AAMDC: variants seen among roughly 807,000 people sequenced by gnomAD.
AAMDC encodes adipogenesis associated Mth938 domain containing.
AAMDC carries 16 observed loss-of-function variants against 15.5 expected under a neutral mutation model. The ratio of observed to expected loss-of-function variants is 1.03; its 90% confidence interval spans 0.70 to 1.57. The LOEUF (loss-of-function observed/expected upper bound fraction) is 1.57. Among genes scored for constraint, AAMDC ranks in the 40% most tolerant of loss-of-function variants. The pLI is 0.00. For missense variants in AAMDC, 141 were observed against 144.9 expected (o/e 0.97, Z 0.14); for synonymous variants, 51 against 51.6 (o/e 0.99, Z 0.05).
chr11:77,881,150 A>C (rs611906), intron 5 of AAMDC, among the ~76,000 whole-genome samples: 1 of 151,998 alleles, frequency 6.6e-6, no homozygotes, highest in African/African-American at 2.4e-5. Flanking sequence ...GGATAACTCA[A>C]GCAACTTCTG....
At chr11:77,827,835 T>G (rs1282837427) in intron 1 of AAMDC, among the ~76,000 whole-genome samples, 1 of 152,170 alleles carries the variant, frequency 6.6e-6, no homozygotes, top group Non-Finnish European at 1.5e-5. Flanking sequence ...ACAAGCTCTA[T>G]CTTAAATTAC....
chr11:77,880,338 G>T (rs1590992085), intron 5 of AAMDC, among the ~76,000 whole-genome samples: 1 of 152,140 alleles, frequency 6.6e-6, no homozygotes, highest in Admixed American at 6.6e-5. Flanking sequence ...CTGTCCTCCA[G>T]GAAGGGAAAG....
chr11:77,904,359 A>G (rs933450509), downstream of AAMDC, among the ~76,000 whole-genome samples: 1 of 152,262 alleles, frequency 6.6e-6, no homozygotes, highest in African/African-American at 2.4e-5. Context: ...TTTAAATTAC[A>G]AAGATGTAAG....
chr11:77,901,425 G>T, downstream of AAMDC: 1 of 1,613,870 alleles, frequency 6.2e-7, no homozygotes, highest in South Asian at 1.1e-5. Flanking sequence ...TCTTACCCTC[G>T]TGTAGTTCGT....
In AAMDC at chr11:77,884,136, T is replaced by G. The variant is rs76281352; in HGVS notation, c.328+7087T>G. ...ATTCCCCTAATCCAGCATGAAGCAGTGTTCAGTAAACATTTCCTGAATTCA... is the reference window on the plus strand; with the variant it reads ...ATTCCCCTAATCCAGCATGAAGCAGGGTTCAGTAAACATTTCCTGAATTCA... On this transcript the variant is annotated intron_variant, in intron 5 of 5. Transcript: ENST00000304716. 1.8e-3 allele frequency among the ~76,000 whole-genome samples: 267 copies of G among 152,278 alleles called. 3 individuals are homozygous for G. In the East Asian group the frequency reaches 0.03, roughly 17 times the overall value.
At chr11:77,862,720 A>ATGGCACTTCACTCTTCC (rs2136259654) in intron 2 of AAMDC, among the ~76,000 whole-genome samples, 1 of 152,252 alleles carries the variant, frequency 6.6e-6, no homozygotes, top group African/African-American at 2.4e-5. Context: ...GTTTGTACAT[A>ATGGCACTTCACTCTTCC]TGGCACTTCA....
At chr11:77,889,764 T>C (rs1177223215) in intron 5 of AAMDC, among the ~76,000 whole-genome samples, 1 of 152,166 alleles carries the variant, frequency 6.6e-6, no homozygotes, top group South Asian at 2.1e-4. Context: ...CCACTGGACC[T>C]GTCCCACGAT....
intron 2 of AAMDC, among the ~76,000 whole-genome samples, chr11:77,863,508 C>T (rs1205420867): frequency 1.3e-5 from 2 of 152,208 alleles, no homozygotes; most frequent in African/African-American, 2.4e-5. Context: ...TGTGCCTCAG[C>T]CTCCTGAGTA....
chr11:77,893,115 A>G (rs1183271682), intron 5 of AAMDC, among the ~76,000 whole-genome samples: 1 of 152,190 alleles, frequency 6.6e-6, no homozygotes, highest in Non-Finnish European at 1.5e-5. Flanking sequence ...TTCTCCCAGT[A>G]TTATTCTGCC....
chr11:77,897,301 C>T (rs1952567002), intron 5 of AAMDC, among the ~76,000 whole-genome samples: 2 of 150,938 alleles, frequency 1.3e-5, no homozygotes, highest in South Asian at 4.2e-4. Context: ...CAAGACTGGC[C>T]TGGACAACGC....
At chr11:77,869,968 T>C (rs952061917) in intron 3 of AAMDC, 151 bp downstream of exon 3, 8 of 635,418 alleles carry the variant, frequency 1.3e-5, no homozygotes, top group Non-Finnish European at 1.9e-5. Context: ...CACATTCCTC[T>C]GCCTCATCAG....
At position 77,845,470 on chromosome 11, in the gene AAMDC, A is replaced by G. The variant is rs576609264; in HGVS notation, c.132+2842A>G. On this transcript the variant is annotated intron_variant, in intron 2 of 3. Transcript: ENST00000393427. The stretch of plus-strand genomic sequence containing the variant: ...GGGGGGGATAGACTATTGCTCTGTC[A>G]CCACAGCTGGAGTGCCGTGGCACAA... Among the ~76,000 whole-genome samples the G allele has an allele frequency of 1.5e-4, 22 of 151,586 alleles. No homozygotes were observed. In the East Asian group the frequency reaches 3.7e-3, roughly 25 times the overall value.
chr11:77,839,303 CTTTT>C (rs914922269), intron 1 of AAMDC, among the ~76,000 whole-genome samples: 2 of 151,912 alleles, frequency 1.3e-5, no homozygotes, highest in South Asian at 4.2e-4. Context: ...ACACACTTGG[CTTTT>C]TTTTGTTTGT....
intron 1 of AAMDC, among the ~76,000 whole-genome samples, chr11:77,835,583 T>C (rs893783621): frequency 1.3e-5 from 2 of 152,182 alleles, no homozygotes; most frequent in Non-Finnish European, 2.9e-5. Context: ...AATAATAAAT[T>C]CTATAATTTT....
intron 2 of AAMDC, chr11:77,851,376 C>G (rs1950375652): frequency 6.6e-6 from 1 of 152,210 alleles, no homozygotes; most frequent in Non-Finnish European, 1.5e-5. Flanking sequence ...TTCTTCTGCT[C>G]AAGACAGTTC....
intron 2 of AAMDC, chr11:77,868,767 G>A: frequency 4.3e-6 from 1 of 234,800 alleles, no homozygotes; most frequent in African/African-American, 2.3e-5. Context: ...CCTTCCCACT[G>A]GTTCTTACAC....
intron 5 of AAMDC, among the ~76,000 whole-genome samples, chr11:77,895,725 T>A (rs1393604193): frequency 1.3e-5 from 2 of 152,036 alleles, no homozygotes; most frequent in African/African-American, 4.8e-5. Flanking sequence ...CATTTCCTCA[T>A]TTGTTTGCCT....
At chr11:77,850,845 T>C (rs1336555170) in intron 2 of AAMDC, 1 of 151,568 alleles carries the variant, frequency 6.6e-6, no homozygotes, top group South Asian at 2.1e-4. Flanking sequence ...TGACAATAAA[T>C]CACAGATACG....
At chr11:77,900,799 G>T, downstream of AAMDC, 1 of 594,000 alleles carries the variant, frequency 1.7e-6, no homozygotes, top group Non-Finnish European at 3.0e-6. Context: ...CCAGTTATCT[G>T]AAAGTCTTAC....
Sources: gnomAD v4.1 joint callset for allele counts (sites outside exome capture counted in the v4.1 genomes callset) on GRCh38, gnomAD v4.1.1 for gene constraint, MANE v1.5 for transcripts, NCBI Gene and HGNC (gene_info 2026-07-23, HGNC 2026-07-21) for gene names.